CNTNAP2: variants seen among roughly 807,000 people sequenced by gnomAD.
The protein encoded by CNTNAP2 is contactin-associated protein-like 2.
Under a neutral mutation model 155.2 loss-of-function variants are expected in CNTNAP2, and 98 were observed. The ratio of observed to expected loss-of-function variants is 0.63; its 90% CI spans 0.54 to 0.75. The LOEUF (loss-of-function observed/expected upper bound fraction) is 0.75. Ranked by LOEUF, CNTNAP2 falls within the 30% of genes least tolerant of loss-of-function variation. The pLI, the probability that CNTNAP2 is intolerant of heterozygous loss-of-function variation, is 0.00. For synonymous variants in CNTNAP2, 651 were observed against 631.2 expected (o/e 1.03, Z -0.47); for missense variants, 1,727 against 1,688.1 (o/e 1.02, Z -0.40).
chr7:146,122,055 G>A (rs1417130758), intron 1 of CNTNAP2, among the ~76,000 whole-genome samples: 1 of 152,160 alleles, frequency 6.6e-6, no homozygotes, highest in Non-Finnish European at 1.5e-5. Flanking sequence ...TTCATTTTAT[G>A]GGAAGAAATG....
At chr7:146,902,957 T>A (rs1207160407) in intron 3 of CNTNAP2, among the ~76,000 whole-genome samples, 3 of 152,172 alleles carry the variant, frequency 2.0e-5, no homozygotes, top group Non-Finnish European at 2.9e-5. Flanking sequence ...CAGTGACTGG[T>A]CAGAACTACT....
chr7:147,735,202 A>G (rs968770110), intron 13 of CNTNAP2, among the ~76,000 whole-genome samples: 5 of 152,158 alleles, frequency 3.3e-5, no homozygotes, highest in Non-Finnish European at 7.3e-5. Context: ...AATGTGTCCC[A>G]GAGATTCTGA....
chr7:146,910,452 C>T (rs1043146067), intron 3 of CNTNAP2, among the ~76,000 whole-genome samples: 6 of 149,124 alleles, frequency 4.0e-5, no homozygotes, highest in Non-Finnish European at 7.4e-5. Context: ...GGTACCAAAA[C>T]AGAGATATAG....
At chr7:147,177,314 C>T (rs1159875301) in intron 8 of CNTNAP2, among the ~76,000 whole-genome samples, 1 of 152,030 alleles carries the variant, frequency 6.6e-6, no homozygotes, top group African/African-American at 2.4e-5. Flanking sequence ...CGGTTTCCCC[C>T]ATGCTGGTTT....
intron 1 of CNTNAP2, among the ~76,000 whole-genome samples, chr7:146,300,597 A>G (rs1234984336): frequency 6.6e-6 from 1 of 152,138 alleles, no homozygotes; most frequent in Non-Finnish European, 1.5e-5. Context: ...AAGAGGAAAA[A>G]TATAGCCAGA....
chr7:146,240,935 C>G (rs1799550364), intron 1 of CNTNAP2, among the ~76,000 whole-genome samples: 1 of 152,112 alleles, frequency 6.6e-6, no homozygotes, highest in Non-Finnish European at 1.5e-5. Context: ...CTGGGGAGGC[C>G]TCAGGGAGCT....
At chr7:146,910,160 C>T (rs920227019) in intron 3 of CNTNAP2, among the ~76,000 whole-genome samples, 43 of 135,978 alleles carry the variant, frequency 3.2e-4, no homozygotes, top group Non-Finnish European at 5.0e-4. Context: ...AAAGAGGATA[C>T]AAAGAAATGG....
chr7:147,353,264 C>T (rs1306026463), intron 9 of CNTNAP2, among the ~76,000 whole-genome samples: 1 of 151,930 alleles, frequency 6.6e-6, no homozygotes, highest in Non-Finnish European at 1.5e-5. Context: ...CTGTCACCTA[C>T]ATTAGGTATT....
intron 15 of CNTNAP2, among the ~76,000 whole-genome samples, chr7:148,102,719 A>C (rs1052327909): frequency 2.6e-5 from 4 of 152,188 alleles, no homozygotes; most frequent in Non-Finnish European, 5.9e-5. Flanking sequence ...GTGCAGTGAA[A>C]ATCTTTTATG....
At chr7:147,209,733 A>C (rs1245616481) in intron 8 of CNTNAP2, among the ~76,000 whole-genome samples, 1 of 151,694 alleles carries the variant, frequency 6.6e-6, no homozygotes, top group Non-Finnish European at 1.5e-5. Context: ...TCATAGATGG[A>C]TCTTACTATT....
intron 21 of CNTNAP2, among the ~76,000 whole-genome samples, chr7:148,301,447 G>C (rs1408925596): frequency 6.6e-6 from 1 of 151,412 alleles, no homozygotes; most frequent in Non-Finnish European, 1.5e-5. Context: ...TGTAGAAACA[G>C]ATGGACTCCA....
intron 8 of CNTNAP2, among the ~76,000 whole-genome samples, chr7:147,215,638 C>T (rs147598940): frequency 1.5e-4 from 23 of 152,240 alleles, no homozygotes; most frequent in African/African-American, 5.3e-4. Flanking sequence ...ATGAATAAAG[C>T]TGCTTATAAA....
rs1420254749 is a variant in CNTNAP2, at chr7:146,380,840, C to T, written c.97+263867C>T. ...TTTGAGACGGAGTCTCGCTGTCGCCCAGGCTGGAGTGCAGTGGCGCAATCT... is the reference window on the plus strand; with the variant it reads ...TTTGAGACGGAGTCTCGCTGTCGCCTAGGCTGGAGTGCAGTGGCGCAATCT... On this transcript the variant is annotated intron_variant, in intron 1 of 23. Transcript: ENST00000361727. 3.5e-5 allele frequency among the ~76,000 whole-genome samples: 4 copies of T among 114,754 alleles called. No individual in the cohort carries two copies. The Admixed American group carries it at 4.8e-4, about 14-fold the overall frequency. 75.3% of individuals were successfully genotyped at this position (114,754 alleles called of 152,430 possible).
chr7:147,689,966 T>G (rs1482696262), intron 13 of CNTNAP2, among the ~76,000 whole-genome samples: 1 of 151,178 alleles, frequency 6.6e-6, no homozygotes, highest in Non-Finnish European at 1.5e-5. Context: ...CTCTGTAGAT[T>G]GTGTGGCTTG....
At chr7:146,557,271 G>C (rs1299226521) in intron 1 of CNTNAP2, among the ~76,000 whole-genome samples, 1 of 151,936 alleles carries the variant, frequency 6.6e-6, no homozygotes, top group Non-Finnish European at 1.5e-5. Flanking sequence ...TAAAAGGAGA[G>C]GACTAAGAAG....
intron 3 of CNTNAP2, among the ~76,000 whole-genome samples, chr7:146,869,886 T>C (rs1031687453): frequency 6.6e-6 from 1 of 152,172 alleles, no homozygotes; most frequent in Non-Finnish European, 1.5e-5. Flanking sequence ...ACTCGAATAT[T>C]AATCTCTTCT....
In CNTNAP2 at chr7:146,860,341, G is replaced by T. The variant is rs79473847; in HGVS notation, c.402+20437G>T. ...TTGCTTTCTTTTTTATCTTTTATAG[G>T]CCAGGCAAAAGTGGAACATGTCTGT... On this transcript the variant is annotated intron_variant, in intron 3 of 23. Transcript: ENST00000361727. Among the ~76,000 whole-genome samples the T allele has an allele frequency of 1.9e-3, 292 of 152,206 alleles. 2 individuals carry two copies. Among genetic ancestry groups the T allele is most frequent in the African/African-American group, 6.8e-3 (283 of 41,524 alleles).
intron 3 of CNTNAP2, among the ~76,000 whole-genome samples, chr7:146,994,416 A>G (rs1798269163): frequency 6.6e-6 from 1 of 152,146 alleles, no homozygotes; most frequent in Non-Finnish European, 1.5e-5. Flanking sequence ...TAAAGACGTG[A>G]TGAATTCTTA....
At chr7:148,251,649 G>A (rs1796364313) in intron 20 of CNTNAP2, among the ~76,000 whole-genome samples, 1 of 152,138 alleles carries the variant, frequency 6.6e-6, no homozygotes, top group African/African-American at 2.4e-5. Context: ...TTACATGAAT[G>A]CCCTTCTCTC....
Sources: gnomAD v4.1 joint callset for allele counts (sites outside exome capture counted in the v4.1 genomes callset) on GRCh38, gnomAD v4.1.1 for gene constraint, MANE v1.5 for transcripts, NCBI Gene and HGNC (gene_info 2026-07-23, HGNC 2026-07-21) for gene names.